Variants in PTH2R observed in about 807,000 individuals in gnomAD.
The protein encoded by PTH2R is PTH2 receptor.
Under a neutral mutation model 60.3 loss-of-function variants are expected in PTH2R, and 59 were observed. The observed-to-expected ratio is 0.98, with a 90% confidence interval of 0.79 to 1.22. The LOEUF (loss-of-function observed/expected upper bound fraction) is 1.22, where lower values mean the gene tolerates loss of function less well. Ranked by LOEUF, PTH2R falls within the 50% of genes most tolerant of loss-of-function variation. The probability of loss-of-function intolerance (pLI) is 0.00; values close to 1 mark genes in which losing one functional copy is unlikely to be tolerated. For missense variants in PTH2R, 749 were observed against 682.6 expected, an observed-to-expected ratio of 1.10 and a Z score of -1.08; for synonymous variants, 256 against 243.8, an observed-to-expected ratio of 1.05 and a Z score of -0.47.
chr2:208,400,592 G>A (rs1444836026), intron 1 of PTH2R, among the ~76,000 whole-genome samples: 8 of 152,132 alleles, frequency 5.3e-5, no homozygotes, highest in Admixed American at 2.0e-4. Context: ...TTGGTATTAG[G>A]TTTGTGGTAC....
At chr2:208,452,665 A>G (rs992289438) in intron 8 of PTH2R, among the ~76,000 whole-genome samples, 1 of 152,234 alleles carries the variant, frequency 6.6e-6, no homozygotes, top group Non-Finnish European at 1.5e-5. Flanking sequence ...TTTTGTGAAG[A>G]TAATTACCAG....
At chr2:208,464,045 A>G (rs1355953946) in intron 9 of PTH2R, among the ~76,000 whole-genome samples, 1 of 152,234 alleles carries the variant, frequency 6.6e-6, no homozygotes, top group Non-Finnish European at 1.5e-5. Flanking sequence ...AGTAGAGCTT[A>G]TTTTTACCCT....
intron 7 of PTH2R, 124 bp downstream of exon 7, chr2:208,445,011 A>C: frequency 9.8e-7 from 1 of 1,025,412 alleles, no homozygotes. Context: ...CTTATTTTTT[A>C]TCTCCCTTTT....
intron 4 of PTH2R, among the ~76,000 whole-genome samples, chr2:208,441,864 G>A (rs1702191551): frequency 6.6e-6 from 1 of 152,158 alleles, no homozygotes; most frequent in African/African-American, 2.4e-5. Context: ...GTAAGCTTTG[G>A]AGAATACTGG....
chr2:208,432,241 ATAT>A (rs762214289), intron 2 of PTH2R, among the ~76,000 whole-genome samples: 3 of 152,234 alleles, frequency 2.0e-5, no homozygotes, highest in Non-Finnish European at 4.4e-5. Flanking sequence ...AGTTCAACAA[ATAT>A]TATTATGTGC....
At chr2:208,417,256 T>C (rs1483391725) in intron 1 of PTH2R, among the ~76,000 whole-genome samples, 1 of 152,194 alleles carries the variant, frequency 6.6e-6, no homozygotes, top group Non-Finnish European at 1.5e-5. Flanking sequence ...GGATCCATTT[T>C]ACATACATTG....
chr2:208,488,131 A>C (rs1173655373), intron 10 of PTH2R, among the ~76,000 whole-genome samples: 1 of 152,208 alleles, frequency 6.6e-6, no homozygotes, highest in Non-Finnish European at 1.5e-5. Context: ...TTGTAGAAAG[A>C]GGCAGTTAAG....
At chr2:208,416,460 C>T (rs545689828) in intron 1 of PTH2R, among the ~76,000 whole-genome samples, 49 of 152,262 alleles carry the variant, frequency 3.2e-4, no homozygotes, top group South Asian at 1.2e-3. Context: ...AAATAGAAGC[C>T]GCATACTTTG....
chr2:208,387,593 C>T (rs1295211998), intron 1 of PTH2R, among the ~76,000 whole-genome samples: 1 of 152,160 alleles, frequency 6.6e-6, no homozygotes, highest in Admixed American at 6.5e-5. Flanking sequence ...GAAGTTAACC[C>T]TCCTTTAAAA....
chr2:208,360,135 T>C (rs756311253), exon 1 of PTH2R: 9 of 430,610 alleles, frequency 2.1e-5, no homozygotes, highest in South Asian at 1.5e-4. Context: ...CTTTTTATGC[T>C]TCGAAGCAGT....
intron 9 of PTH2R, among the ~76,000 whole-genome samples, chr2:208,471,938 T>C (rs1021880070): frequency 6.6e-6 from 1 of 152,236 alleles, no homozygotes; most frequent in African/African-American, 2.4e-5. Flanking sequence ...ATGTGAGACA[T>C]GGAGTCAAAG....
At chr2:208,408,020 A>G (rs977676791) in intron 1 of PTH2R, among the ~76,000 whole-genome samples, 1 of 152,234 alleles carries the variant, frequency 6.6e-6, no homozygotes, top group Non-Finnish European at 1.5e-5. Context: ...TCAGATGACT[A>G]GTTTAAATTT....
At chr2:208,401,552 AT>A (rs1185156576) in intron 1 of PTH2R, among the ~76,000 whole-genome samples, 1 of 149,254 alleles carries the variant, frequency 6.7e-6, no homozygotes, top group Non-Finnish European at 1.5e-5. Flanking sequence ...CTTCCTGTGT[AT>A]TTTTTTTAAA....
rs181382472 is a variant in PTH2R at position 208,453,670 on chromosome 2, G to A, written c.914+2861G>A. On this transcript the variant is annotated intron_variant, in intron 8 of 12. Transcript: ENST00000272847. ...TCTATTAAGCAATGATAAAGTTTGA[G>A]TTAATGCAAGTTGTGAGTTATAAGG... Among the ~76,000 whole-genome samples the A allele has an allele frequency of 3.3e-5, 5 of 152,240 alleles. No individual in the cohort carries two copies. In the East Asian group the frequency reaches 9.6e-4, roughly 29 times the overall value.
Position 208,469,861 on chromosome 2 carries a change from T to C in PTH2R, c.981+9900T>C, listed in dbSNP as rs1383489171. 2.0e-5 allele frequency: 3 copies of C among 152,302 alleles called. No homozygotes were observed. The East Asian group carries it at 5.8e-4, about 29-fold the overall frequency. 9.4% of individuals were successfully genotyped at this position (152,302 alleles called of 1,614,324 possible). A position where few individuals can be genotyped will look rare whatever the true frequency, so the allele number is the denominator to read the frequency against. Reference sequence around the variant, plus strand: ...TGATGCTTTGTTTTGGTTCTGGGCCTCCTGGAGCATCATGAGAAGGCATAG... The same window carrying C: ...TGATGCTTTGTTTTGGTTCTGGGCCCCCTGGAGCATCATGAGAAGGCATAG... On this transcript the variant is annotated intron_variant, in intron 9 of 12. Coordinates refer to ENST00000272847, the MANE Select transcript of PTH2R (RefSeq NM_005048.4).
intron 1 of PTH2R, among the ~76,000 whole-genome samples, chr2:208,362,623 C>T (rs35293936): frequency 0.13 from 19,144 of 152,124 alleles, 1,362 homozygotes; most frequent in African/African-American, 0.19. Context: ...TGAGTAATGC[C>T]GCTGTAACCA....
intron 9 of PTH2R, among the ~76,000 whole-genome samples, chr2:208,463,077 A>G (rs913160484): frequency 6.6e-6 from 1 of 152,148 alleles, no homozygotes; most frequent in Non-Finnish European, 1.5e-5. Flanking sequence ...TGGAAAGGAC[A>G]TGGGGCTGAG....
Position 208,450,733 on chromosome 2 carries a change from C to T in PTH2R, c.854-16C>T, listed in dbSNP as rs780267123. 2 of 1,612,714 alleles carry T rather than the reference C, an allele frequency of 1.2e-6. No homozygotes were observed. Among genetic ancestry groups the T allele is most frequent in the African/African-American group, 2.7e-5 (2 of 74,976 alleles). On this transcript the variant is annotated splice_polypyrimidine_tract_variant and intron_variant, in intron 7 of 12. Coordinates refer to ENST00000272847, the MANE Select transcript of PTH2R (RefSeq NM_005048.4). ...CTTAAAATAAATCTAGTCTCTGAAT[C>T]ATTTTCTGATTTCAGGGTTTCCAGC...
At chr2:208,411,706 TC>T (rs1233277742) in intron 1 of PTH2R, among the ~76,000 whole-genome samples, 1 of 152,250 alleles carries the variant, frequency 6.6e-6, no homozygotes, top group African/African-American at 2.4e-5. Context: ...TTTGTTTTTT[TC>T]TTTTCTCTGG....
Sources: allele counts gnomAD v4.1 joint callset (sites outside exome capture counted in the v4.1 genomes callset), GRCh38; gene constraint gnomAD v4.1.1; transcripts MANE v1.5; gene names NCBI Gene and HGNC (gene_info 2026-07-23, HGNC 2026-07-21).